Variants in DENND3 observed in about 807,000 individuals in gnomAD.
DENND3 encodes DENN domain containing 3.
DENND3 carries 88 observed loss-of-function variants against 135.1 expected under a neutral mutation model. The observed-to-expected ratio is 0.65, with a 90% CI of 0.55 to 0.78. The LOEUF is 0.78. DENND3 is among the 30% of genes least tolerant of loss of function. The probability of loss-of-function intolerance (pLI) is 0.00; values close to 1 mark genes in which losing one functional copy is unlikely to be tolerated. For synonymous variants in DENND3, 693 were observed against 712.3 expected, an observed-to-expected ratio of 0.97 and a Z score of 0.43; for missense variants, 1,392 against 1,688.4, an observed-to-expected ratio of 0.82 and a Z score of 3.08.
Position 141,146,308 on chromosome 8 carries a change from G to A in DENND3, c.735+2049G>A, listed in dbSNP as rs897626254. 1.3e-5 allele frequency among the ~76,000 whole-genome samples: 2 copies of A among 152,158 alleles called. No homozygotes were observed. Among genetic ancestry groups the A allele is most frequent in the African/African-American group, 4.8e-5 (2 of 41,424 alleles). On this transcript the variant is annotated intron_variant, in intron 5 of 22. Coordinates refer to ENST00000519811, the MANE Select transcript of DENND3 (RefSeq NM_001352890.3). The surrounding 1 kb of genome is among the most constrained non-coding windows in gnomAD (Gnocchi z 4.3). ...TTTTTTTCTGAGAGATGTTATTGGC[G>A]ATTTCAAGACACAGGGTTTGGGGTT...
intron 15 of DENND3, chr8:141,177,833 G>T: frequency 2.2e-6 from 1 of 458,510 alleles, no homozygotes; most frequent in Non-Finnish European, 3.7e-6. Flanking sequence ...AATGCCTCCT[G>T]CCTAGCCCCT....
intron 20 of DENND3, 181 bp downstream of exon 20, chr8:141,190,598 G>GA: frequency 8.7e-6 from 8 of 921,152 alleles, no homozygotes; most frequent in South Asian, 2.2e-5. Context: ...TGCTCCTGGG[G>GA]GCTCCCCAGG....
chr8:141,142,102 C>T (rs575297549), intron 4 of DENND3: 3 of 309,220 alleles, frequency 9.7e-6, no homozygotes, highest in Admixed American at 4.8e-5. Flanking sequence ...AGGCTGAGGA[C>T]GTAAAGAACT....
chr8:141,190,436 A>G lies in DENND3; in HGVS notation c.3379+19A>G. Reference sequence around the variant, plus strand: ...TGGTGCTGTAAGTCCGGCCCCTGCCATCAGAGCGGGCACCCTACCTCCCTG... The same window carrying G: ...TGGTGCTGTAAGTCCGGCCCCTGCCGTCAGAGCGGGCACCCTACCTCCCTG... On this transcript the variant is annotated intron_variant, in intron 20 of 22. Coordinates refer to ENST00000519811, the MANE Select transcript of DENND3 (RefSeq NM_001352890.3). The G allele has an allele frequency of 1.3e-6, 2 of 1,598,128 alleles. No homozygotes were observed. Among genetic ancestry groups the G allele is most frequent in the Non-Finnish European group, 1.7e-6 (2 of 1,173,262 alleles).
Position 141,166,106 on chromosome 8 carries a change from A to G in DENND3, c.1554-84A>G. The stretch of plus-strand genomic sequence containing the variant: ...CCAAGAGTGTCATGTGCTCTTCATC[A>G]CACTGGGAAAAATGCTTAGTTTAGG... On this transcript the variant is annotated intron_variant, in intron 11 of 22. Transcript: ENST00000519811. This position sits in a 1 kb window ranked among gnomAD's most constrained non-coding sequence, Gnocchi z 4.3. The G allele has an allele frequency of 7.3e-7, 1 of 1,366,474 alleles. No individual in the cohort carries two copies. The highest frequency in any genetic ancestry group is 1.0e-6 in the Non-Finnish European group (1 of 968,384). The allele number at this position is 1,366,474 out of a possible 1,614,324, so 84.6% of individuals were successfully genotyped here.
At chr8:141,186,638 C>T (rs1428575093) in intron 18 of DENND3, among the ~76,000 whole-genome samples, 2 of 152,212 alleles carry the variant, frequency 1.3e-5, no homozygotes. Flanking sequence ...GTGCACACCC[C>T]TGATTTAAAG....
In DENND3 at chr8:141,194,099, G is replaced by A. The variant is rs370142294; in HGVS notation, c.3703G>A (p.Glu1235Lys). 15 of 1,613,900 alleles carry A rather than the reference G, an allele frequency of 9.3e-6. No homozygotes were observed. In the African/African-American group the frequency reaches 1.3e-4, roughly 14 times the overall value. The change falls in exon 23 of 23, where the codon GAG becomes AAG. Residue 1235 changes from glutamate to lysine, a missense_variant. Physicochemically the swap from Glu to Lys is moderately conservative, Grantham distance 56. Transcript: ENST00000519811. The stretch of plus-strand genomic sequence containing the variant: ...GGGGAAAATCTACGTGATTGACGCC[G>A]AGAGGAAGACCGTGGAGAAGGAGCT... ...PKGKIYVIDA[E>K]RKTVEKELVA...
chr8:141,156,013 T>C, intron 8 of DENND3, 43 bp downstream of exon 8: 1 of 1,561,452 alleles, frequency 6.4e-7, no homozygotes. Context: ...ACCGTCTTTG[T>C]TCAGATTCTG....
chr8:141,163,135 C>T lies in DENND3; in HGVS notation c.1353-198C>T, dbSNP rs192243742. On this transcript the variant is annotated intron_variant, in intron 9 of 22. Coordinates refer to ENST00000519811, the MANE Select transcript of DENND3 (RefSeq NM_001352890.3). ...ACAGGAACACTGCCTCCTGTACTTT[C>T]GTTCTAGCTGGGGGAAATTTATGCT... Among the ~76,000 whole-genome samples, 87 of 152,326 alleles carry T rather than the reference C, an allele frequency of 5.7e-4. No homozygotes were observed. The East Asian group carries it at 0.016, about 28-fold the overall frequency.
Position 141,155,873 on chromosome 8 carries a change from A to C in DENND3, c.1099A>C (p.Asn367His). Residue 367 changes from asparagine (N) to histidine (H), a missense_variant, in exon 8 of 23, where the codon AAT (asparagine) becomes CAT (histidine). By Grantham distance (68) the Asn-to-His change is moderately conservative. Transcript: ENST00000519811. The part of the protein sequence containing the change: ...SKEADGLVLI[N>H]IDHGSITYSK... ...GGAAGCCGACGGTTTAGTTCTGATA[A>C]ATATTGATCATGGGAGCATCACCTA... The C allele has an allele frequency of 6.2e-7, 1 of 1,608,678 alleles. No individual in the cohort carries two copies. Among genetic ancestry groups the C allele is most frequent in the Non-Finnish European group, 8.5e-7 (1 of 1,176,994 alleles).
chr8:141,182,740 T>C lies in DENND3; in HGVS notation c.2944+1886T>C, dbSNP rs913448192. Among the ~76,000 whole-genome samples the C allele has an allele frequency of 2.6e-5, 4 of 152,030 alleles. No individual in the cohort carries two copies. Among genetic ancestry groups the C allele is most frequent in the African/African-American group, 9.7e-5 (4 of 41,390 alleles). ...GAGATTGCAGGGACAAGAGGTGGGGTCAGGCCCCATCAAGAAGGGGGAGTC... is the reference window on the plus strand; with the variant it reads ...GAGATTGCAGGGACAAGAGGTGGGGCCAGGCCCCATCAAGAAGGGGGAGTC... On this transcript the variant is annotated intron_variant, in intron 17 of 22. Coordinates refer to ENST00000519811, the MANE Select transcript of DENND3 (RefSeq NM_001352890.3). The surrounding 1 kb of genome is among the most constrained non-coding windows in gnomAD (Gnocchi z 5.9).
Position 141,151,822 on chromosome 8 carries a change from C to T in DENND3, c.1059C>T (p.Phe353=), listed in dbSNP as rs778157810. 3.2e-5 allele frequency: 51 copies of T among 1,614,070 alleles called. No homozygotes were observed. The South Asian group carries it at 3.3e-4, about 10-fold the overall frequency. Residue 353 remains phenylalanine (F), a synonymous_variant, in exon 7 of 23, where the codon TTC becomes TTT. Coordinates refer to ENST00000519811, the MANE Select transcript of DENND3 (RefSeq NM_001352890.3). ...SFLMGCHLDH[F]EEVSKEADGL... is the part of the protein sequence containing the mutation. ...TGATGGGCTGCCATCTCGACCACTT[C>T]GAAGAAGTCAGCAAGGTTAGGTAGC...
chr8:141,156,239 A>G (rs187452330), intron 8 of DENND3, among the ~76,000 whole-genome samples: 325 of 151,852 alleles, frequency 2.1e-3, no homozygotes, highest in Non-Finnish European at 3.0e-3. Context: ...AGCTGGGATT[A>G]CAGGCGCCCA....
chr8:141,171,979 G>A (rs2154613247), intron 13 of DENND3, among the ~76,000 whole-genome samples: 1 of 150,824 alleles, frequency 6.6e-6, no homozygotes, highest in East Asian at 2.0e-4. Flanking sequence ...TGAACAGTGG[G>A]TGTGCATGGT....
chr8:141,160,111 C>G (rs887935276), intron 8 of DENND3, among the ~76,000 whole-genome samples: 10 of 151,940 alleles, frequency 6.6e-5, no homozygotes, highest in Admixed American at 5.9e-4. Context: ...GTGCATAGTC[C>G]AAGTCGAGGC....
chr8:141,143,770 C>T (rs549745555), intron 4 of DENND3: 61 of 169,496 alleles, frequency 3.6e-4, no homozygotes, highest in Non-Finnish European at 7.2e-4. Context: ...GACAGACTTT[C>T]TCAAGCACTC....
At chr8:141,149,979 C>T (rs1005170456) in intron 5 of DENND3, among the ~76,000 whole-genome samples, 2 of 152,170 alleles carry the variant, frequency 1.3e-5, no homozygotes, top group East Asian at 3.9e-4. Flanking sequence ...TGTTTTCTCC[C>T]CCCGGCTCCC....
chr8:141,164,336 C>T (rs1197375969), intron 10 of DENND3, among the ~76,000 whole-genome samples: 1 of 152,242 alleles, frequency 6.6e-6, no homozygotes, highest in Non-Finnish European at 1.5e-5. Context: ...AAATAATCAC[C>T]TTGGGGGCTT....
chr8:141,134,518 C>T lies in DENND3; in HGVS notation c.103-1991C>T, dbSNP rs1589526887. Among the ~76,000 whole-genome samples, 5 of 152,000 alleles carry T rather than the reference C, an allele frequency of 3.3e-5. No individual in the cohort carries two copies. The South Asian group carries it at 1.0e-3, about 32-fold the overall frequency. On this transcript the variant is annotated intron_variant, in intron 1 of 22. Coordinates refer to ENST00000519811, the MANE Select transcript of DENND3 (RefSeq NM_001352890.3). ...CACTGTGGTGTCGATCTCCTGACCTCGTGATCTGCCTCCCAAAGTGCTGAG... is the reference window on the plus strand; with the variant it reads ...CACTGTGGTGTCGATCTCCTGACCTTGTGATCTGCCTCCCAAAGTGCTGAG...
Sources: allele counts gnomAD v4.1 joint callset (sites outside exome capture counted in the v4.1 genomes callset), GRCh38; gene constraint gnomAD v4.1.1; non-coding constraint Gnocchi (gnomAD v3.1); transcripts MANE v1.5; gene names NCBI Gene and HGNC (gene_info 2026-07-23, HGNC 2026-07-21).